Variants in UTP4 observed in about 807,000 individuals in gnomAD.
UTP4 encodes the protein U3 small nucleolar RNA-associated protein 4 homolog.
In UTP4, 45 loss-of-function variants were observed where a neutral mutation model predicts 82.4. The observed-to-expected ratio is 0.55, with a 90% CI of 0.43 to 0.70. UTP4 has a LOEUF of 0.70. Among genes scored for constraint, UTP4 ranks in the 30% least tolerant of loss-of-function variants. The pLI, the probability that UTP4 is intolerant of heterozygous loss-of-function variation, is 0.00. For missense variants in UTP4, 819 were observed against 858.3 expected (o/e 0.95, Z 0.57); for synonymous variants, 348 against 300.3 (o/e 1.16, Z -1.64).
At chr16:69,167,571 G>C (rs1373757680) in intron 16 of UTP4, 1 of 221,202 alleles carries the variant, frequency 4.5e-6, no homozygotes, top group East Asian at 1.2e-4. Context: ...GCCAAGGCAG[G>C]TGGATCTCCT....
chr16:69,146,147 A>G (rs1189390608), intron 6 of UTP4, among the ~76,000 whole-genome samples: 1 of 151,864 alleles, frequency 6.6e-6, no homozygotes, highest in Non-Finnish European at 1.5e-5. Flanking sequence ...TCTTTTTACC[A>G]TTAGTTTTGT....
intron 6 of UTP4, among the ~76,000 whole-genome samples, chr16:69,147,239 C>T (rs1322913740): frequency 1.3e-5 from 2 of 150,656 alleles, no homozygotes; most frequent in Non-Finnish European, 2.9e-5. Flanking sequence ...CGTGGTGACT[C>T]ACGCCTGTAA....
chr16:69,163,358 T>C (rs1963613111), intron 14 of UTP4, among the ~76,000 whole-genome samples, 180 bp downstream of exon 14: 1 of 152,118 alleles, frequency 6.6e-6, no homozygotes, highest in African/African-American at 2.4e-5. Flanking sequence ...GCAGTATGCA[T>C]TGGTTTGATG....
At chr16:69,147,814 T>A (rs1300817015) in intron 6 of UTP4, among the ~76,000 whole-genome samples, 3 of 152,202 alleles carry the variant, frequency 2.0e-5, no homozygotes, top group African/African-American at 7.2e-5. Flanking sequence ...TGAGGTCAGA[T>A]GTGAAGTTTT....
intron 11 of UTP4, 74 bp from the exon 12 acceptor site, chr16:69,157,010 C>A: frequency 6.6e-7 from 1 of 1,507,924 alleles, no homozygotes; most frequent in Non-Finnish European, 9.2e-7. Context: ...GTACCTTAAG[C>A]CTAGCTGTGA....
At position 69,148,460 on chromosome 16, in the gene UTP4, G is replaced by A. The variant is rs562703401; in HGVS notation, c.739-2077G>A. ...GTTGGCCAGGCTGGTCTCTAACCCC[G>A]ACCTCAAGTGATCCGCCCGCCTCAG... On this transcript the variant is annotated intron_variant, in intron 6 of 16. Coordinates refer to ENST00000314423, the MANE Select transcript of UTP4 (RefSeq NM_032830.3). Among the ~76,000 whole-genome samples, 85 of 144,506 alleles carry A rather than the reference G, an allele frequency of 5.9e-4. No individual in the cohort carries two copies. The South Asian group carries it at 0.017, about 30-fold the overall frequency. The allele number at this position is 144,506 out of a possible 152,430, so 94.8% of individuals were successfully genotyped here. A position where few individuals can be genotyped will look rare whatever the true frequency, so the allele number is the denominator to read the frequency against.
chr16:69,159,485 C>T (rs1412588845), intron 12 of UTP4, among the ~76,000 whole-genome samples: 1 of 152,010 alleles, frequency 6.6e-6, no homozygotes. Flanking sequence ...GTCAAGAGAT[C>T]GAGACCATGC....
chr16:69,150,748 C>T (rs1208220844), intron 7 of UTP4, 40 bp downstream of exon 7: 18 of 1,613,474 alleles, frequency 1.1e-5, no homozygotes, highest in Non-Finnish European at 1.5e-5. Flanking sequence ...TTTACCCTGC[C>T]CAGTTCTGGC....
intron 5 of UTP4, 51 bp downstream of exon 5, chr16:69,139,965 T>A (rs1406347873): frequency 1.5e-6 from 2 of 1,314,548 alleles, no homozygotes; most frequent in South Asian, 2.4e-5. Flanking sequence ...CAGATTCACA[T>A]TTCTGAGTTT....
At chr16:69,139,408 G>A (rs1044200152) in intron 4 of UTP4, among the ~76,000 whole-genome samples, 1 of 151,826 alleles carries the variant, frequency 6.6e-6, no homozygotes, top group Non-Finnish European at 1.5e-5. Context: ...GGAGGCTGAG[G>A]CGGGTGGATC....
intron 6 of UTP4, among the ~76,000 whole-genome samples, chr16:69,149,958 C>T (rs990621059): frequency 2.0e-5 from 3 of 152,056 alleles, no homozygotes; most frequent in African/African-American, 7.2e-5. Context: ...AAACTCCTGG[C>T]CTCAAGTGAT....
chr16:69,136,886 T>C lies in UTP4; in HGVS notation c.350T>C (p.Leu117Ser), dbSNP rs990719370. 1 of 1,614,144 alleles carries C rather than the reference T, an allele frequency of 6.2e-7. No homozygotes were observed. The highest frequency in any genetic ancestry group is 1.7e-5 in the Admixed American group (1 of 60,026). The change falls in exon 3 of 17, where the codon TTG (leucine) becomes TCG (serine). Residue 117 changes from leucine to serine, a missense_variant and splice_region_variant. By Grantham distance (145) the Leu-to-Ser change is moderately radical. Transcript: ENST00000314423. Reference sequence around the variant, plus strand: ...GCCAGCCCCAGTGGCTCTCAACTTTTGGTTAGTAAGCAACTATTGGTAATT... The same window carrying C: ...GCCAGCCCCAGTGGCTCTCAACTTTCGGTTAGTAAGCAACTATTGGTAATT... The part of the protein sequence containing the change: ...MAASPSGSQL[L>S]VGCEDGSVKL...
At chr16:69,138,091 G>A in intron 4 of UTP4, 2 of 554,840 alleles carry the variant, frequency 3.6e-6, no homozygotes, top group Non-Finnish European at 6.4e-6. Context: ...TAATAATATA[G>A]AAAACCAGAA....
Position 69,150,713 on chromosome 16 carries a change from G to A in UTP4, c.910+5G>A. ...CAACAGCGCTGATATCTGGAGGTGG[G>A]TTCCCCCTCTGGTGAGGCTGCTGCT... On this transcript the variant is annotated splice_donor_5th_base_variant and intron_variant, in intron 7 of 16. Coordinates refer to ENST00000314423, the MANE Select transcript of UTP4 (RefSeq NM_032830.3). 6.2e-7 allele frequency: 1 copy of A among 1,614,184 alleles called. No homozygotes were observed. Among genetic ancestry groups the A allele is most frequent in the African/African-American group, 1.3e-5 (1 of 75,044 alleles).
At chr16:69,139,322 A>G (rs1962895309) in intron 4 of UTP4, among the ~76,000 whole-genome samples, 2 of 151,874 alleles carry the variant, frequency 1.3e-5, no homozygotes, top group Non-Finnish European at 1.5e-5. Context: ...AATCTCATAC[A>G]TTTTGTCAAG....
At chr16:69,152,556 G>A (rs1963302311) in intron 8 of UTP4, among the ~76,000 whole-genome samples, 1 of 146,568 alleles carries the variant, frequency 6.8e-6, no homozygotes, top group Non-Finnish European at 1.5e-5. Flanking sequence ...TGCAACCTCA[G>A]TCTCCTGGGT....
At chr16:69,151,842 G>A (rs932443354) in intron 8 of UTP4, among the ~76,000 whole-genome samples, 8 of 151,476 alleles carry the variant, frequency 5.3e-5, no homozygotes, top group African/African-American at 1.9e-4. Flanking sequence ...TTTCAGGGTA[G>A]GCTCTATTCT....
intron 14 of UTP4, among the ~76,000 whole-genome samples, chr16:69,163,600 G>A (rs1052535839): frequency 5.9e-5 from 9 of 151,684 alleles, no homozygotes; most frequent in Non-Finnish European, 2.9e-5. Flanking sequence ...ATAAGATCAG[G>A]TACCTAATCT....
chr16:69,164,600 A>ATG (rs1963652530), intron 14 of UTP4, among the ~76,000 whole-genome samples: 1 of 144,218 alleles, frequency 6.9e-6, no homozygotes, highest in Non-Finnish European at 1.5e-5. Flanking sequence ...ATATATATAT[A>ATG]TATATATATA....
Sources: allele counts gnomAD v4.1 joint callset (sites outside exome capture counted in the v4.1 genomes callset), GRCh38; gene constraint gnomAD v4.1.1; transcripts MANE v1.5; gene names NCBI Gene and HGNC (gene_info 2026-07-23, HGNC 2026-07-21).